Variants in ARL15 observed in about 807,000 individuals in gnomAD.
The protein encoded by ARL15 is ADP-ribosylation factor-like protein 15.
A neutral mutation model predicts 25.2 loss-of-function variants in ARL15; 19 were observed. The ratio of observed to expected loss-of-function variants is 0.75; its 90% confidence interval spans 0.53 to 1.10. The LOEUF (loss-of-function observed/expected upper bound fraction) is 1.10. Among genes scored for constraint, ARL15 ranks in the 50% least tolerant of loss-of-function variants. The probability of loss-of-function intolerance (pLI) is 0.00; values close to 1 mark genes in which losing one functional copy is unlikely to be tolerated. For synonymous variants in ARL15, 94 were observed against 86.8 expected (o/e 1.08, Z -0.46); for missense variants, 220 against 246.0 (o/e 0.89, Z 0.71).
chr5:54,293,453 A>T (rs549523884), intron 1 of ARL15, among the ~76,000 whole-genome samples: 1 of 152,374 alleles, frequency 6.6e-6, no homozygotes, highest in South Asian at 2.1e-4. Context: ...TTAGTTGGAA[A>T]AAACTCCACT....
chr5:53,950,120 T>C (rs1357014574), intron 4 of ARL15, among the ~76,000 whole-genome samples: 1 of 152,154 alleles, frequency 6.6e-6, no homozygotes, highest in Non-Finnish European at 1.5e-5. Flanking sequence ...AGTGAAAGTA[T>C]GTAGTATTCA....
chr5:53,927,920 C>T (rs1746082324), intron 4 of ARL15, among the ~76,000 whole-genome samples: 1 of 152,154 alleles, frequency 6.6e-6, no homozygotes, highest in East Asian at 1.9e-4. Context: ...TTAACCACCC[C>T]GGGCTTCATC....
intron 1 of ARL15, among the ~76,000 whole-genome samples, chr5:54,224,823 G>A (rs775589567): frequency 4.6e-5 from 7 of 152,138 alleles, no homozygotes; most frequent in Non-Finnish European, 8.8e-5. Flanking sequence ...AAAGCAAAAA[G>A]ACTGAAGCCA....
At chr5:54,261,562 AAAG>A (rs1199507919) in intron 1 of ARL15, among the ~76,000 whole-genome samples, 2 of 152,130 alleles carry the variant, frequency 1.3e-5, no homozygotes, top group Non-Finnish European at 2.9e-5. Context: ...GCAAAAAAAA[AAAG>A]AGAGAACTTC....
intron 4 of ARL15, among the ~76,000 whole-genome samples, chr5:54,092,034 T>G (rs534713053): frequency 8.4e-6 from 1 of 118,964 alleles, no homozygotes; most frequent in South Asian, 2.6e-4. Context: ...GTTAATAGAC[T>G]GCTCAAATTG....
chr5:54,152,912 C>T (rs1434093577), intron 3 of ARL15, among the ~76,000 whole-genome samples: 1 of 152,182 alleles, frequency 6.6e-6, no homozygotes, highest in East Asian at 1.9e-4. Context: ...TGGCACAGAG[C>T]CAACCTTACG....
chr5:54,296,169 C>T (rs1443906824), intron 1 of ARL15, among the ~76,000 whole-genome samples: 1 of 152,184 alleles, frequency 6.6e-6, no homozygotes, highest in East Asian at 1.9e-4. Context: ...TTACCCTACA[C>T]TATGCGTATT....
At chr5:54,189,062 C>T (rs192782131) in intron 1 of ARL15, among the ~76,000 whole-genome samples, 1 of 151,978 alleles carries the variant, frequency 6.6e-6, no homozygotes, top group African/African-American at 2.4e-5. Flanking sequence ...AAAATAATTC[C>T]ATTTATAATA....
chr5:53,985,394 C>T (rs1245156870), intron 4 of ARL15, among the ~76,000 whole-genome samples: 1 of 152,158 alleles, frequency 6.6e-6, no homozygotes, highest in Non-Finnish European at 1.5e-5. Context: ...CAACCATCAC[C>T]ACCATCCATC....
intron 4 of ARL15, among the ~76,000 whole-genome samples, chr5:54,103,663 C>T (rs570183264): frequency 1.3e-5 from 2 of 152,096 alleles, no homozygotes; most frequent in East Asian, 3.9e-4. Flanking sequence ...TTACATGTAC[C>T]GTTGTACATG....
chr5:53,917,126 A>C (rs1745677140), intron 4 of ARL15, among the ~76,000 whole-genome samples: 2 of 152,196 alleles, frequency 1.3e-5, no homozygotes, highest in African/African-American at 2.4e-5. Context: ...AGGCCCCTGA[A>C]AGTAAGCAGA....
At chr5:53,992,714 G>A (rs1422723244) in intron 4 of ARL15, among the ~76,000 whole-genome samples, 1 of 152,184 alleles carries the variant, frequency 6.6e-6, no homozygotes, top group Non-Finnish European at 1.5e-5. Context: ...TCTCAAATGT[G>A]TAAGATATCA....
At chr5:54,162,684 T>C (rs773014839) in intron 2 of ARL15, among the ~76,000 whole-genome samples, 53 of 152,172 alleles carry the variant, frequency 3.5e-4, no homozygotes, top group Non-Finnish European at 6.3e-4. Flanking sequence ...TCTATTCTTA[T>C]GGGCAACATT....
chr5:54,141,358 T>C (rs761349985), intron 3 of ARL15, among the ~76,000 whole-genome samples: 1 of 152,126 alleles, frequency 6.6e-6, no homozygotes, highest in Non-Finnish European at 1.5e-5. Context: ...CCTTTCCCAG[T>C]CACTTTCATC....
intron 1 of ARL15, among the ~76,000 whole-genome samples, chr5:54,195,073 T>C (rs1444299678): frequency 6.6e-6 from 1 of 152,154 alleles, no homozygotes; most frequent in African/African-American, 2.4e-5. Context: ...CAACAGGCAA[T>C]ATCATTCTTA....
At chr5:54,224,222 A>T (rs1372528788) in intron 1 of ARL15, among the ~76,000 whole-genome samples, 3 of 152,182 alleles carry the variant, frequency 2.0e-5, no homozygotes, top group Admixed American at 1.3e-4. Flanking sequence ...GTGGGAACGC[A>T]TTGTGGTGAC....
Position 54,310,366 on chromosome 5 carries a change from A to T in ARL15, c.48+66T>A, listed in dbSNP as rs1758865163. ...AAAGAAAGCAAAAAGGCTGCTCCTC[A>T]AGGCAGGGGGCCATCGGGCACGCCG... is the stretch of plus-strand genomic sequence containing the variant. On this transcript the variant is annotated intron_variant, in intron 1 of 4. Coordinates refer to ENST00000504924, the MANE Select transcript of ARL15 (RefSeq NM_019087.3). 7 of 1,541,436 alleles carry T rather than the reference A, an allele frequency of 4.5e-6. No individual in the cohort carries two copies. In the South Asian group the frequency reaches 8.3e-5, roughly 18 times the overall value.
intron 4 of ARL15, among the ~76,000 whole-genome samples, chr5:53,940,383 C>T (rs1473888652): frequency 6.6e-6 from 1 of 152,118 alleles, no homozygotes; most frequent in Admixed American, 6.5e-5. Context: ...AGAAAAACAC[C>T]ATAACCTTTT....
chr5:54,041,624 T>C (rs1007656831), intron 4 of ARL15, among the ~76,000 whole-genome samples: 1 of 152,076 alleles, frequency 6.6e-6, no homozygotes, highest in African/African-American at 2.4e-5. Context: ...CTTTAAAGAG[T>C]AGTACTTCCA....
Sources: allele counts gnomAD v4.1 joint callset (sites outside exome capture counted in the v4.1 genomes callset), GRCh38; gene constraint gnomAD v4.1.1; transcripts MANE v1.5; gene names NCBI Gene and HGNC (gene_info 2026-07-23, HGNC 2026-07-21).